The following ULK4 variants were observed in gnomAD, a reference collection of about 807,000 sequenced individuals.
ULK4 encodes unc-51 like kinase 4.
A neutral mutation model predicts 160.6 loss-of-function variants in ULK4; 133 were observed. That is an observed-to-expected ratio of 0.83 (90% CI 0.72 to 0.96). The LOEUF (loss-of-function observed/expected upper bound fraction) is 0.96, where lower values mean the gene tolerates loss of function less well. Ranked by LOEUF, ULK4 falls within the 40% of genes least tolerant of loss-of-function variation. The probability of loss-of-function intolerance (pLI) is 0.00; values close to 1 mark genes in which losing one functional copy is unlikely to be tolerated. For synonymous variants in ULK4, 534 were observed against 539.8 expected (o/e 0.99, Z 0.15); for missense variants, 1,580 against 1,499.5 (o/e 1.05, Z -0.89).
intron 22 of ULK4, among the ~76,000 whole-genome samples, chr3:41,728,678 T>C (rs2037729516): frequency 6.6e-6 from 1 of 152,126 alleles, no homozygotes. Context: ...GAGTGACTAC[T>C]GAAGGGTGAA....
intron 22 of ULK4, among the ~76,000 whole-genome samples, chr3:41,732,327 G>A (rs2037859119): frequency 6.6e-6 from 1 of 151,970 alleles, no homozygotes; most frequent in Non-Finnish European, 1.5e-5. Flanking sequence ...TTTCTCAAAA[G>A]ACATACAAAT....
At chr3:41,819,591 GTATACAA>G in intron 18 of ULK4, 85 bp from the exon 19 acceptor site, 2 of 1,149,112 alleles carry the variant, frequency 1.7e-6, no homozygotes, top group South Asian at 2.7e-5. Context: ...ACAGCTCCAA[GTATACAA>G]ACTATCTAAA....
At chr3:41,881,206 G>T (rs1351191023) in intron 17 of ULK4, among the ~76,000 whole-genome samples, 1 of 148,044 alleles carries the variant, frequency 6.8e-6, no homozygotes, top group African/African-American at 2.6e-5. Context: ...GACTATAATG[G>T]TTTTCATTCA....
chr3:41,379,988 T>C (rs925773242), intron 35 of ULK4, among the ~76,000 whole-genome samples: 3 of 152,114 alleles, frequency 2.0e-5, no homozygotes, highest in African/African-American at 7.2e-5. Context: ...ACTGAGAAAT[T>C]GTTGGGTAGT....
At chr3:41,356,161 C>T (rs938626461) in intron 35 of ULK4, among the ~76,000 whole-genome samples, 3 of 152,160 alleles carry the variant, frequency 2.0e-5, no homozygotes, top group African/African-American at 7.2e-5. Flanking sequence ...CCTGTGTTCT[C>T]CCTGCCAAAC....
chr3:41,650,692 C>T (rs2034705577), intron 30 of ULK4, among the ~76,000 whole-genome samples: 1 of 152,200 alleles, frequency 6.6e-6, no homozygotes, highest in African/African-American at 2.4e-5. Flanking sequence ...CCTGCTGAGC[C>T]GAGTGGGCAG....
intron 32 of ULK4, among the ~76,000 whole-genome samples, chr3:41,503,248 G>A (rs1013988154): frequency 3.9e-5 from 6 of 152,100 alleles, no homozygotes; most frequent in African/African-American, 9.7e-5. Flanking sequence ...GGCTTTTCTC[G>A]GCAAACCAAC....
At chr3:41,782,109 T>C (rs764039425) in intron 21 of ULK4, among the ~76,000 whole-genome samples, 7 of 152,092 alleles carry the variant, frequency 4.6e-5, no homozygotes, top group Non-Finnish European at 8.8e-5. Flanking sequence ...GCCATTATTC[T>C]CACAGTAACC....
chr3:41,362,218 A>T (rs1277929798), intron 35 of ULK4, among the ~76,000 whole-genome samples: 1 of 152,232 alleles, frequency 6.6e-6, no homozygotes, highest in Non-Finnish European at 1.5e-5. Context: ...AAAAAATGCA[A>T]CTTCTCCAGT....
intron 21 of ULK4, among the ~76,000 whole-genome samples, chr3:41,774,246 T>C (rs1462363542): frequency 2.0e-5 from 3 of 151,388 alleles, no homozygotes; most frequent in South Asian, 4.1e-4. Flanking sequence ...CTAAAGAGCT[T>C]CTGCACAGCA....
chr3:41,587,825 T>A lies in ULK4; in HGVS notation c.3121-21695A>T, dbSNP rs558703987. ...AAAAGCTTTAAAATTAAATCTTTTT[T>A]AAATATCGGTTAATTAGCACTTATA... On this transcript the variant is annotated intron_variant, in intron 31 of 36. Transcript: ENST00000301831. Among the ~76,000 whole-genome samples, 116 of 152,350 alleles carry A rather than the reference T, an allele frequency of 7.6e-4. 2 individuals are homozygous for A. Among genetic ancestry groups the A allele is most frequent in the African/African-American group, 2.6e-3 (107 of 41,582 alleles).
intron 30 of ULK4, among the ~76,000 whole-genome samples, chr3:41,647,855 T>C (rs1048422295): frequency 6.6e-6 from 1 of 152,228 alleles, no homozygotes; most frequent in East Asian, 1.9e-4. Context: ...CCACCCAGTT[T>C]GAGCTTCCCA....
At chr3:41,550,690 G>A (rs2087030241) in intron 32 of ULK4, among the ~76,000 whole-genome samples, 1 of 151,802 alleles carries the variant, frequency 6.6e-6, no homozygotes, top group Admixed American at 6.6e-5. Flanking sequence ...ACAATAGTTG[G>A]GGATTTTGAC....
chr3:41,493,860 C>T (rs373232760), intron 32 of ULK4, among the ~76,000 whole-genome samples: 36,099 of 116,528 alleles, frequency 0.31, 4,781 homozygotes, highest in African/African-American at 0.34. Context: ...ACACATACAC[C>T]CTCCCAAGAC....
In ULK4 at chr3:41,769,555, CA is replaced by C. The variant is rs200985934; in HGVS notation, c.2194-15068del. 6.3e-3 allele frequency among the ~76,000 whole-genome samples: 960 copies of C among 152,242 alleles called. 10 individuals are homozygous for C. Among genetic ancestry groups the C allele is most frequent in the African/African-American group, 0.022 (919 of 41,554 alleles). On this transcript the variant is annotated intron_variant, in intron 21 of 36. Coordinates refer to ENST00000301831, the MANE Select transcript of ULK4 (RefSeq NM_017886.4). Reference sequence around the variant, plus strand: ...GCAGAAGCCATTTAGTTCTATAACCCAAATCACAGCACAACAAGGTTATGTC... The same window carrying C: ...GCAGAAGCCATTTAGTTCTATAACCCAATCACAGCACAACAAGGTTATGTC...
chr3:41,960,073 C>G (rs1288012720), intron 1 of ULK4, among the ~76,000 whole-genome samples: 1 of 150,346 alleles, frequency 6.7e-6, no homozygotes, highest in Non-Finnish European at 1.5e-5. Context: ...GAGGCTAGGT[C>G]TTGAACCCCT....
At chr3:41,272,839 CT>C (rs1219956880) in intron 35 of ULK4, among the ~76,000 whole-genome samples, 2 of 152,072 alleles carry the variant, frequency 1.3e-5, no homozygotes, top group Non-Finnish European at 2.9e-5. Flanking sequence ...AATTTTTCTT[CT>C]GCAATATCTA....
intron 32 of ULK4, among the ~76,000 whole-genome samples, chr3:41,469,060 C>A (rs1180124226): frequency 6.6e-6 from 1 of 152,128 alleles, no homozygotes; most frequent in African/African-American, 2.4e-5. Context: ...TAGCTTAAAT[C>A]TCTACACAGT....
chr3:41,347,181 G>A (rs2080818189), intron 35 of ULK4, among the ~76,000 whole-genome samples: 2 of 152,176 alleles, frequency 1.3e-5, no homozygotes, highest in Non-Finnish European at 2.9e-5. Flanking sequence ...GTTCAAAGGC[G>A]CATTGCAGCA....
Sources: gnomAD v4.1 joint callset for allele counts (sites outside exome capture counted in the v4.1 genomes callset) on GRCh38, gnomAD v4.1.1 for gene constraint, MANE v1.5 for transcripts, NCBI Gene and HGNC (gene_info 2026-07-23, HGNC 2026-07-21) for gene names.